The following LITAFD variants were observed in gnomAD, a reference collection of about 807,000 sequenced individuals.
LITAFD encodes the protein lITAF domain-containing protein.
chr16:8,884,271 G>A (rs1291780793), intron 2 of LITAFD, 52 bp from the exon 3 acceptor site: 2 of 398,406 alleles, frequency 5.0e-6, no homozygotes, highest in Non-Finnish European at 8.9e-6. Flanking sequence ...AGAAGCCACA[G>A]GGGTCCTGGC....
chr16:8,882,830 G>A (rs190645531), intron 1 of LITAFD: 2 of 152,424 alleles, frequency 1.3e-5, no homozygotes, highest in Admixed American at 6.5e-5. Context: ...AACCGAGGCT[G>A]AGCGTGGAGG....
intron 1 of LITAFD, among the ~76,000 whole-genome samples, 170 bp from the exon 2 acceptor site, chr16:8,883,040 T>C (rs1270737034): frequency 6.6e-6 from 1 of 152,124 alleles, no homozygotes; most frequent in Non-Finnish European, 1.5e-5. Context: ...TTCACCATGT[T>C]GGCCAGACTG....
chr16:8,884,283 C>T, intron 2 of LITAFD, 40 bp from the exon 3 acceptor site: 1 of 398,808 alleles, frequency 2.5e-6, no homozygotes, highest in East Asian at 3.6e-5. Context: ...GGTCCTGGCC[C>T]CGGGGGGTCC....
chr16:8,884,332 G>A (rs1230524060), exon 3 of LITAFD: 2 of 399,000 alleles, frequency 5.0e-6, no homozygotes, highest in Non-Finnish European at 8.8e-6. Context: ...GCTGTATGCC[G>A]GCATGTCCGT....
At chr16:8,885,205 C>T in exon 4 of LITAFD, 1 of 399,204 alleles carries the variant, frequency 2.5e-6, no homozygotes, top group Non-Finnish European at 4.4e-6. Flanking sequence ...TGGGCTGCTG[C>T]TTCCTGGCAT....
intron 2 of LITAFD, among the ~76,000 whole-genome samples, chr16:8,883,882 T>A (rs989068146): frequency 9.2e-5 from 14 of 152,248 alleles, no homozygotes; most frequent in African/African-American, 3.4e-4. Context: ...TTGGCCAACA[T>A]GGCAAAACCC....
chr16:8,884,042 A>T (rs1173125428), intron 2 of LITAFD, among the ~76,000 whole-genome samples: 1 of 152,134 alleles, frequency 6.6e-6, no homozygotes, highest in Non-Finnish European at 1.5e-5. Flanking sequence ...TCCAGCCTGG[A>T]CGACAGAGTG....
intron 2 of LITAFD, among the ~76,000 whole-genome samples, chr16:8,883,637 A>G (rs1185632444): frequency 6.6e-6 from 1 of 152,174 alleles, no homozygotes; most frequent in Non-Finnish European, 1.5e-5. Context: ...GGGAAGGCCG[A>G]GCCCCCCAGG....
At chr16:8,884,408 C>T (rs180985924) in exon 3 of LITAFD, 28 of 399,262 alleles carry the variant, frequency 7.0e-5, no homozygotes, top group East Asian at 4.3e-4. Flanking sequence ...ATCACGGTGA[C>T]GACCTTTGTC....
rs561790664 is a variant in LITAFD, at chr16:8,884,294, C to T, written c.-33-29C>T. ...CAGGGGTCCTGGCCCCGGGGGGTCCCACCTGCTTCCCGCTTCCCACTCCCA... is the reference window on the plus strand; with the variant it reads ...CAGGGGTCCTGGCCCCGGGGGGTCCTACCTGCTTCCCGCTTCCCACTCCCA... On this transcript the variant is annotated intron_variant, in intron 2 of 3. Coordinates refer to ENST00000636296, the Ensembl canonical transcript of LITAFD. 15 of 398,978 alleles carry T rather than the reference C, an allele frequency of 3.8e-5. No individual in the cohort carries two copies. In the South Asian group the frequency reaches 1.8e-3, roughly 48 times the overall value. 24.7% of individuals were successfully genotyped at this position (398,978 alleles called of 1,614,324 possible). A position where few individuals can be genotyped will look rare whatever the true frequency, so the allele number is the denominator to read the frequency against.
At chr16:8,882,961 G>A (rs1158535302) in intron 1 of LITAFD, among the ~76,000 whole-genome samples, 11 of 152,148 alleles carry the variant, frequency 7.2e-5, no homozygotes, top group Admixed American at 2.6e-4. Context: ...TCGGCATCCC[G>A]AGTAGCTGGG....
rs1398319023 is a variant in LITAFD at position 8,884,465 on chromosome 16, G to A, written c.110G>A (p.Gly37Glu). The A allele has an allele frequency of 1.3e-5, 5 of 399,404 alleles. No individual in the cohort carries two copies. In the Admixed American group the frequency reaches 1.3e-4, roughly 11 times the overall value. The allele number at this position is 399,404 out of a possible 1,614,324, so 24.7% of individuals were successfully genotyped here. A position where few individuals can be genotyped will look rare whatever the true frequency, so the allele number is the denominator to read the frequency against. ...CTGTGTACCACCCTCTTCCTGTTCG[G>A]GTGAGTGGCCGCCCCTCCGCCGCTG... Residue 37 changes from glycine (G) to glutamate (E), a missense_variant and splice_region_variant, in exon 3 of 4, where the codon GGG becomes GAG. Physicochemically the swap from Gly to Glu is moderately conservative, Grantham distance 98. Transcript: ENST00000636296.
At chr16:8,884,080 A>C (rs2061553862) in intron 2 of LITAFD, among the ~76,000 whole-genome samples, 1 of 152,048 alleles carries the variant, frequency 6.6e-6, no homozygotes, top group South Asian at 2.1e-4. Flanking sequence ...TAAAAAGAAA[A>C]AAGAAAAAAG....
intron 1 of LITAFD, 71 bp from the exon 2 acceptor site, chr16:8,883,139 G>A (rs1233089589): frequency 6.6e-6 from 1 of 152,150 alleles, no homozygotes; most frequent in African/African-American, 2.4e-5. Context: ...CCGGGCCTAA[G>A]TTTTGAGCTA....
intron 3 of LITAFD, among the ~76,000 whole-genome samples, chr16:8,884,729 C>A (rs1350276111): frequency 2.0e-5 from 3 of 152,138 alleles, no homozygotes; most frequent in Admixed American, 2.0e-4. Context: ...CTGCTGCTGT[C>A]ACCAGCAGCC....
Position 8,885,239 on chromosome 16 carries a change from G to T in LITAFD, c.163G>T (p.Val55Leu), listed in dbSNP as rs549313641. The change falls in exon 4 of 4, where the codon GTG becomes TTG. Residue 55 changes from valine (V) to leucine (L), a missense_variant. Coordinates refer to ENST00000636296, the Ensembl canonical transcript of LITAFD. ...ATTCTGCATAAGGAGCCTAATGGAC[G>T]TGAAGCACTCGTGTCCCGTGTGTCA... The T allele has an allele frequency of 1.4e-4, 54 of 398,708 alleles. No homozygotes were observed. In the Admixed American group the frequency reaches 1.5e-3, roughly 11 times the overall value. 24.7% of individuals were successfully genotyped at this position (398,708 alleles called of 1,614,324 possible).
chr16:8,884,452 C>G (rs756760684), exon 3 of LITAFD: 4 of 398,238 alleles, frequency 1.0e-5, no homozygotes, highest in African/African-American at 2.1e-5. Flanking sequence ...GTGTACCACC[C>G]TCTTCCTGTT....
exon 4 of LITAFD, chr16:8,885,228 G>C (rs1192764079): frequency 2.5e-6 from 1 of 398,874 alleles, no homozygotes; most frequent in Non-Finnish European, 4.4e-6. Context: ...TGCATAAGGA[G>C]CCTAATGGAC....
exon 2 of LITAFD, chr16:8,883,230 C>T (rs940400808): frequency 6.6e-6 from 1 of 152,344 alleles, no homozygotes; most frequent in Non-Finnish European, 1.5e-5. Context: ...TGCTGGTCCC[C>T]CTCCTCCCTA....
Sources: allele counts gnomAD v4.1 joint callset (sites outside exome capture counted in the v4.1 genomes callset), GRCh38; gene constraint gnomAD v4.1.1; transcripts MANE v1.5; gene names NCBI Gene and HGNC (gene_info 2026-07-23, HGNC 2026-07-21).